Variants in NFATC2 observed in about 807,000 individuals in gnomAD.
The protein encoded by NFATC2 is nuclear factor of activated T cells 2, also known as nuclear factor of activated T-cells, cytoplasmic 2.
A neutral mutation model predicts 87.3 loss-of-function variants in NFATC2; 22 were observed. That is an observed-to-expected ratio of 0.25 (90% CI 0.18 to 0.36). The LOEUF is 0.36. NFATC2 is among the 10% of genes least tolerant of loss of function. The pLI is 1.00. For missense variants in NFATC2, 1,149 were observed against 1,259.1 expected (o/e 0.91, Z 1.32); for synonymous variants, 565 against 542.2 (o/e 1.04, Z -0.58).
At chr20:51,511,504 C>T (rs1482668714) in intron 3 of NFATC2, among the ~76,000 whole-genome samples, 1 of 152,214 alleles carries the variant, frequency 6.6e-6, no homozygotes, top group Non-Finnish European at 1.5e-5. Flanking sequence ...CATCTTTGCT[C>T]GTGTGCCTTG....
At chr20:51,541,766 C>G (rs1474556070) in intron 1 of NFATC2, among the ~76,000 whole-genome samples, 1 of 152,070 alleles carries the variant, frequency 6.6e-6, no homozygotes, top group Non-Finnish European at 1.5e-5. Flanking sequence ...CTTATAATAC[C>G]AAAGGTTTTA....
chr20:51,487,209 G>A (rs1989784287), intron 3 of NFATC2, among the ~76,000 whole-genome samples: 1 of 152,234 alleles, frequency 6.6e-6, no homozygotes, highest in South Asian at 2.1e-4. Flanking sequence ...GGCAACTGGG[G>A]AATGCAGCTT....
At chr20:51,391,477 G>GT in intron 10 of NFATC2, 26 bp from the exon 11 acceptor site, 2 of 1,576,182 alleles carry the variant, frequency 1.3e-6, no homozygotes, top group Non-Finnish European at 1.7e-6. Flanking sequence ...GGAGGGGGGG[G>GT]GAGAGAGAAT....
intron 9 of NFATC2, chr20:51,399,123 A>G (rs1987691778): frequency 5.8e-6 from 1 of 171,646 alleles, no homozygotes; most frequent in African/African-American, 2.4e-5. Context: ...CTCAACTGTT[A>G]TCTTCCTTCA....
At chr20:51,518,006 G>T (rs1479926922) in intron 2 of NFATC2, among the ~76,000 whole-genome samples, 2 of 152,122 alleles carry the variant, frequency 1.3e-5, no homozygotes, top group Non-Finnish European at 2.9e-5. Flanking sequence ...GTGATCATGG[G>T]GGGCATGATT....
At chr20:51,484,307 C>T (rs192262622) in intron 3 of NFATC2, among the ~76,000 whole-genome samples, 72 of 152,276 alleles carry the variant, frequency 4.7e-4, no homozygotes, top group African/African-American at 1.6e-3. Context: ...CCTTCCCAGA[C>T]AGCCGCACCC....
intron 2 of NFATC2, among the ~76,000 whole-genome samples, 198 bp downstream of exon 2, chr20:51,522,883 C>A (rs1278434607): frequency 6.6e-6 from 1 of 152,206 alleles, no homozygotes; most frequent in Non-Finnish European, 1.5e-5. Context: ...ACGAATTATA[C>A]CCATTTTACA....
intron 1 of NFATC2, among the ~76,000 whole-genome samples, chr20:51,539,022 G>A (rs2076764562): frequency 6.6e-6 from 1 of 152,124 alleles, no homozygotes; most frequent in Non-Finnish European, 1.5e-5. Context: ...CCCATTTTGG[G>A]AAAATTACTT....
At chr20:51,499,751 AAAAG>A (rs1225915429) in intron 3 of NFATC2, among the ~76,000 whole-genome samples, 34 of 151,564 alleles carry the variant, frequency 2.2e-4, no homozygotes, top group Admixed American at 6.5e-4. Context: ...TAAAAAAAAA[AAAAG>A]AAAGAAAGAA....
chr20:51,552,671 C>T (rs1327356731), intron 1 of NFATC2, among the ~76,000 whole-genome samples: 3 of 152,280 alleles, frequency 2.0e-5, no homozygotes, highest in South Asian at 2.1e-4. Flanking sequence ...CCCAAATCAA[C>T]GGGTGGACTG....
At chr20:51,495,687 G>A (rs1016440295) in intron 3 of NFATC2, among the ~76,000 whole-genome samples, 4 of 152,168 alleles carry the variant, frequency 2.6e-5, no homozygotes, top group Non-Finnish European at 4.4e-5. Context: ...TTACAAATTC[G>A]TGGAGTTCAA....
chr20:51,516,833 C>T lies in NFATC2; in HGVS notation c.1283G>A (p.Gly428Asp). ...PHHRAHYETE[G>D]SRGAVKAPTG... ...TGGAGCTTTGACAGCCCCTCGGCTGCCTTCTGTCTCATAGTGGGCCCGGTG... is the reference window on the plus strand; with the variant it reads ...TGGAGCTTTGACAGCCCCTCGGCTGTCTTCTGTCTCATAGTGGGCCCGGTG... The change falls in exon 3 of 11, where the codon GGC (glycine) becomes GAC (aspartate). Residue 428 changes from glycine (G) to aspartate (D), a missense_variant. Around this residue, in one of 3 missense-constraint regions of NFATC2, gnomAD observed 5 missense variants for 24.3 expected, o/e 0.21. Transcript: ENST00000371564. The T allele has an allele frequency of 6.2e-7, 1 of 1,605,248 alleles. No homozygotes were observed. Among genetic ancestry groups the T allele is most frequent in the Non-Finnish European group, 8.5e-7 (1 of 1,172,190 alleles).
chr20:51,514,931 C>T (rs1436655753), intron 3 of NFATC2, among the ~76,000 whole-genome samples: 1 of 152,182 alleles, frequency 6.6e-6, no homozygotes. Context: ...CGGCAGGAAT[C>T]AGAAGACTGC....
At chr20:51,427,139 T>G (rs753274799) in intron 9 of NFATC2, among the ~76,000 whole-genome samples, 1 of 152,062 alleles carries the variant, frequency 6.6e-6, no homozygotes, top group African/African-American at 2.4e-5. Flanking sequence ...TGTTCTCTCA[T>G]CTGTGGCTGA....
intron 3 of NFATC2, among the ~76,000 whole-genome samples, chr20:51,508,129 A>G: frequency 6.6e-6 from 1 of 152,158 alleles, no homozygotes. Flanking sequence ...TTTTCTGCCT[A>G]TGTCTGGGGA....
At chr20:51,548,056 G>A (rs2076903609) in intron 1 of NFATC2, among the ~76,000 whole-genome samples, 1 of 152,062 alleles carries the variant, frequency 6.6e-6, no homozygotes, top group Non-Finnish European at 1.5e-5. Context: ...CAAAGCCCTT[G>A]GTCTGCAAGG....
chr20:51,485,450 T>C (rs950730064), intron 3 of NFATC2, among the ~76,000 whole-genome samples: 4 of 152,194 alleles, frequency 2.6e-5, no homozygotes, highest in African/African-American at 7.2e-5. Flanking sequence ...CACCATCATA[T>C]AGGAGCTGGG....
At chr20:51,492,886 G>A (rs1326600318) in intron 3 of NFATC2, among the ~76,000 whole-genome samples, 4 of 152,246 alleles carry the variant, frequency 2.6e-5, no homozygotes, top group Admixed American at 6.5e-5. Flanking sequence ...CTTTCATGTC[G>A]CCCTGGGTTC....
intron 1 of NFATC2, among the ~76,000 whole-genome samples, chr20:51,534,875 T>C (rs1323085453): frequency 6.6e-6 from 1 of 152,226 alleles, no homozygotes; most frequent in Non-Finnish European, 1.5e-5. Context: ...ACAGGATGTA[T>C]ATGTCTCACT....
Sources: gnomAD v4.1 joint callset for allele counts (sites outside exome capture counted in the v4.1 genomes callset) on GRCh38, gnomAD v4.1.1 for gene constraint, gnomAD v4.1.1 regional missense constraint, MANE v1.5 for transcripts, NCBI Gene and HGNC (gene_info 2026-07-23, HGNC 2026-07-21) for gene names.